The following PSD3 variants were observed in gnomAD, a reference collection of about 807,000 sequenced individuals.
The protein encoded by PSD3 is PH and SEC7 domain-containing protein 3.
PSD3 carries 49 observed loss-of-function variants against 105.5 expected under a neutral mutation model. The observed-to-expected ratio is 0.46, with a 90% CI of 0.37 to 0.59. The LOEUF (loss-of-function observed/expected upper bound fraction) is 0.59, where lower values mean the gene tolerates loss of function less well. Ranked by LOEUF, PSD3 falls within the 20% of genes least tolerant of loss-of-function variation. The probability of loss-of-function intolerance (pLI) is 0.00; values close to 1 mark genes in which losing one functional copy is unlikely to be tolerated. For synonymous variants in PSD3, 557 were observed against 457.8 expected (o/e 1.22, Z -2.77); for missense variants, 1,561 against 1,263.8 (o/e 1.24, Z -3.57).
rs201389897 is a variant in PSD3 at position 18,535,889 on chromosome 8, T to C, written c.2998A>G (p.Ser1000Gly). The C allele has an allele frequency of 1.2e-6, 2 of 1,614,194 alleles. No homozygotes were observed. Among genetic ancestry groups the C allele is most frequent in the Middle Eastern group, 1.6e-4 (1 of 6,062 alleles). Residue 1000 changes from serine (S) to glycine (G), a missense_variant, in exon 16 of 16, where the codon AGC becomes GGC. Coordinates refer to ENST00000327040, the MANE Select transcript of PSD3 (RefSeq NM_015310.4). ...GGKELLSNDESEAAGLKKSHS... is the reference protein window; with the variant it reads ...GGKELLSNDEGEAAGLKKSHS... Reference sequence around the variant, plus strand: ...GACTTCTTCAGTCCTGCAGCCTCGCTTTCATCGTTACTCAGTAGCTCTTTG... The same window carrying C: ...GACTTCTTCAGTCCTGCAGCCTCGCCTTCATCGTTACTCAGTAGCTCTTTG...
At chr8:18,909,632 C>T (rs924476826) in intron 2 of PSD3, among the ~76,000 whole-genome samples, 17 of 152,002 alleles carry the variant, frequency 1.1e-4, no homozygotes, top group Admixed American at 7.9e-4. Flanking sequence ...TACAGGCTCA[C>T]GTTACCATGC....
intron 10 of PSD3, among the ~76,000 whole-genome samples, chr8:18,642,297 G>C (rs980086847): frequency 1.3e-5 from 2 of 152,068 alleles, no homozygotes; most frequent in Non-Finnish European, 2.9e-5. Context: ...ACTTCCTTGA[G>C]TATTCTTGAT....
chr8:18,623,382 CAGG>C (rs1806255478), intron 11 of PSD3, among the ~76,000 whole-genome samples: 1 of 132,354 alleles, frequency 7.6e-6, no homozygotes, highest in Non-Finnish European at 1.5e-5. Context: ...GAAGCCAAGG[CAGG>C]AGGACTGCTT....
intron 10 of PSD3, among the ~76,000 whole-genome samples, chr8:18,633,157 T>C (rs1373258528): frequency 6.6e-6 from 1 of 152,080 alleles, no homozygotes; most frequent in African/African-American, 2.4e-5. Flanking sequence ...GCTTTCATGT[T>C]TGTCTTCTTT....
rs367808367 is a variant in PSD3 at position 18,556,206 on chromosome 8, C to T, written c.2928+3G>A. ...CATTTACTAACATTTGGGTGCAACA[C>T]ACCTCAAACTCCAGATAGTGGTCTT... On this transcript the variant is annotated splice_donor_region_variant and intron_variant, in intron 15 of 15. Coordinates refer to ENST00000327040, the MANE Select transcript of PSD3 (RefSeq NM_015310.4). 5.6e-6 allele frequency: 9 copies of T among 1,613,382 alleles called. No homozygotes were observed. The highest frequency in any genetic ancestry group is 7.6e-6 in the Non-Finnish European group (9 of 1,179,718).
At chr8:19,072,250 C>T (rs1051480742) in intron 1 of PSD3, among the ~76,000 whole-genome samples, 18 of 151,842 alleles carry the variant, frequency 1.2e-4, no homozygotes, top group Admixed American at 8.5e-4. Context: ...TACAGGTGCC[C>T]GCCACCACGC....
intron 8 of PSD3, 21 bp from the exon 9 acceptor site, chr8:18,765,559 A>C: frequency 6.7e-7 from 1 of 1,500,636 alleles, no homozygotes; most frequent in Non-Finnish European, 9.3e-7. Flanking sequence ...GGCAAACAGT[A>C]CATCACTATG....
intron 9 of PSD3, among the ~76,000 whole-genome samples, chr8:18,678,393 A>G (rs558310785): frequency 7.2e-5 from 11 of 152,372 alleles, no homozygotes; most frequent in African/African-American, 2.6e-4. Flanking sequence ...AAATATACCA[A>G]TCAGAAACCA....
At chr8:18,985,317 A>T (rs965001547) in intron 1 of PSD3, among the ~76,000 whole-genome samples, 2 of 152,128 alleles carry the variant, frequency 1.3e-5, no homozygotes, top group Non-Finnish European at 2.9e-5. Flanking sequence ...TAAAATTATG[A>T]GCCTTTGGAG....
rs149042727 is a variant in PSD3 at position 18,553,025 on chromosome 8, T to C, written c.2928+3184A>G. Among the ~76,000 whole-genome samples, 497 of 152,244 alleles carry C rather than the reference T, an allele frequency of 3.3e-3. 2 individuals carry two copies. The highest frequency in any genetic ancestry group is 0.02 in the South Asian group (98 of 4,830). On this transcript the variant is annotated intron_variant, in intron 15 of 15. Transcript: ENST00000327040. ...CAGAGTTTGGACAGTTTCTAAGGCA[T>C]AGAAAGAGAGGTAAATTTGGCTCAC...
chr8:18,712,435 G>GGTA (rs775126874), intron 9 of PSD3, among the ~76,000 whole-genome samples: 7 of 151,812 alleles, frequency 4.6e-5, no homozygotes, highest in Non-Finnish European at 8.8e-5. Flanking sequence ...ATGATAAAGG[G>GGTA]GTATCATCCC....
At chr8:19,059,010 A>G (rs1828800703) in intron 1 of PSD3, among the ~76,000 whole-genome samples, 1 of 152,220 alleles carries the variant, frequency 6.6e-6, no homozygotes, top group African/African-American at 2.4e-5. Context: ...GGCTGGCAAG[A>G]GCCACAGGAA....
chr8:18,655,278 G>A (rs565418854), intron 10 of PSD3, among the ~76,000 whole-genome samples: 1 of 148,028 alleles, frequency 6.8e-6, no homozygotes, highest in African/African-American at 2.5e-5. Context: ...GCAGTGAGCC[G>A]AGATTGCGCC....
intron 4 of PSD3, among the ~76,000 whole-genome samples, chr8:18,864,428 T>C (rs1816675682): frequency 6.6e-6 from 1 of 152,248 alleles, no homozygotes; most frequent in Non-Finnish European, 1.5e-5. Context: ...GGGCCACATA[T>C]GACACACAAT....
chr8:18,750,928 G>C (rs942870961), intron 9 of PSD3, among the ~76,000 whole-genome samples: 5 of 152,066 alleles, frequency 3.3e-5, no homozygotes, highest in Non-Finnish European at 5.9e-5. Context: ...CCCTGAGTTA[G>C]ACATAAAGAC....
chr8:18,716,883 A>G (rs915976638), intron 9 of PSD3, among the ~76,000 whole-genome samples: 1 of 152,222 alleles, frequency 6.6e-6, no homozygotes, highest in Non-Finnish European at 1.5e-5. Flanking sequence ...GATACAGCAC[A>G]TGTGTGAGCA....
At chr8:18,720,727 A>C (rs1334783353) in intron 9 of PSD3, among the ~76,000 whole-genome samples, 1 of 152,142 alleles carries the variant, frequency 6.6e-6, no homozygotes, top group Non-Finnish European at 1.5e-5. Context: ...GGCATACAAT[A>C]CCAGTCACAG....
At chr8:19,071,183 C>T (rs888033730) in intron 1 of PSD3, among the ~76,000 whole-genome samples, 2 of 151,968 alleles carry the variant, frequency 1.3e-5, no homozygotes, top group African/African-American at 2.4e-5. Context: ...CCTCAGCCTC[C>T]CGATTAGCTG....
chr8:19,017,569 C>G (rs1827217433), upstream of PSD3, among the ~76,000 whole-genome samples: 1 of 152,190 alleles, frequency 6.6e-6, no homozygotes, highest in South Asian at 2.1e-4. Flanking sequence ...TCTTTTCCCT[C>G]CAAACCCCTC....
Sources: gnomAD v4.1 joint callset for allele counts (sites outside exome capture counted in the v4.1 genomes callset) on GRCh38, gnomAD v4.1.1 for gene constraint, MANE v1.5 for transcripts, NCBI Gene and HGNC (gene_info 2026-07-23, HGNC 2026-07-21) for gene names.